The following ACSM2A variants were observed in gnomAD, a reference collection of about 807,000 sequenced individuals.
ACSM2A encodes the protein acyl-CoA synthetase medium chain family member 2A, also known as acyl-coenzyme A synthetase ACSM2A, mitochondrial.
A neutral mutation model predicts 76.6 loss-of-function variants in ACSM2A; 72 were observed. The observed-to-expected ratio is 0.94, with a 90% CI of 0.78 to 1.14. The LOEUF is 1.14. Among genes scored for constraint, ACSM2A ranks in the 50% most tolerant of loss-of-function variants. The pLI is 0.00. For missense variants in ACSM2A, 684 were observed against 708.5 expected, an observed-to-expected ratio of 0.97 and a Z score of 0.39; for synonymous variants, 249 against 255.9, an observed-to-expected ratio of 0.97 and a Z score of 0.26.
In ACSM2A at chr16:20,480,523, G is replaced by A. The variant is rs368699257; in HGVS notation, c.1282-50G>A. The A allele has an allele frequency of 1.9e-5, 30 of 1,581,276 alleles. 2 individuals are homozygous for A. In the South Asian group the frequency reaches 2.8e-4, roughly 15 times the overall value. ...TTTGTTCATGGCAGCCCCAGGGCAG[G>A]GGATTTAGGCTTTGCAGGCACAATG... On this transcript the variant is annotated intron_variant, in intron 10 of 13. Transcript: ENST00000573854.
At chr16:20,473,857 T>C (rs9806821) in intron 6 of ACSM2A, 1 of 322,246 alleles carries the variant, frequency 3.1e-6, no homozygotes. Flanking sequence ...CTGTTCTGTC[T>C]AAAGCCTAGT....
Position 20,455,757 on chromosome 16 carries a change from A to T in ACSM2A, c.-9+4076A>T, listed in dbSNP as rs2012114734. On this transcript the variant is annotated intron_variant, in intron 1 of 13. Transcript: ENST00000573854. ...ACAATAAAAAAAAAACCCAAGCTAC[A>T]CAGGCAACAAATAGCACAATGAATG... 2.0e-5 allele frequency among the ~76,000 whole-genome samples: 3 copies of T among 149,934 alleles called. No homozygotes were observed. The South Asian group carries it at 6.2e-4, about 31-fold the overall frequency.
At chr16:20,460,393 G>A (rs1596644599) in intron 2 of ACSM2A, 102 bp downstream of exon 2, 26 of 1,488,276 alleles carry the variant, frequency 1.7e-5, no homozygotes, top group Non-Finnish European at 2.2e-5. Flanking sequence ...TTACATGTAA[G>A]GCACTGTAAT....
Position 20,469,531 on chromosome 16 carries a change from A to G in ACSM2A, c.408A>G (p.Gly136=), listed in dbSNP as rs1228690482. The part of the protein sequence containing the change: ...CIRAGLIFMP[G]TIQMKSTDIL... Reference sequence around the variant, plus strand: ...CTTTAGGTCTCATCTTTATGCCTGGAACCATCCAGATGAAATCCACTGACA... The same window carrying G: ...CTTTAGGTCTCATCTTTATGCCTGGGACCATCCAGATGAAATCCACTGACA... The change falls in exon 4 of 14, where the codon GGA becomes GGG. Residue 136 remains glycine, a synonymous_variant. Transcript: ENST00000573854. 4 of 1,613,180 alleles carry G rather than the reference A, an allele frequency of 2.5e-6. No homozygotes were observed. Among genetic ancestry groups the G allele is most frequent in the Non-Finnish European group, 3.4e-6 (4 of 1,179,342 alleles).
chr16:20,469,855 A>G (rs374992109), intron 4 of ACSM2A, 136 bp downstream of exon 4: 5 of 1,288,072 alleles, frequency 3.9e-6, no homozygotes, highest in Admixed American at 4.7e-5. Flanking sequence ...GGAAGAAATA[A>G]AAGCTAACAC....
At chr16:20,463,613 C>T (rs376223393) in intron 2 of ACSM2A, among the ~76,000 whole-genome samples, 4 of 152,232 alleles carry the variant, frequency 2.6e-5, no homozygotes, top group African/African-American at 9.6e-5. Context: ...GAGGCCCTCA[C>T]CAGAAGCAGA....
rs569884277 is a variant in ACSM2A at position 20,464,091 on chromosome 16, G to C, written c.178-1426G>C. Among the ~76,000 whole-genome samples, 1,200 of 152,242 alleles carry C rather than the reference G, an allele frequency of 7.9e-3. 17 individuals are homozygous for C. The highest frequency in any genetic ancestry group is 0.027 in the African/African-American group (1,120 of 41,540). On this transcript the variant is annotated intron_variant, in intron 2 of 13. Coordinates refer to ENST00000573854, the MANE Select transcript of ACSM2A (RefSeq NM_001308172.2). ...TCAGTTCCCGAAAAGTTCCTTATTT[G>C]CATTTGAAATCTGGTCAGCCTGCAT... is the stretch of plus-strand genomic sequence containing the variant.
intron 6 of ACSM2A, among the ~76,000 whole-genome samples, chr16:20,474,604 A>G (rs1315870734): frequency 6.6e-6 from 1 of 152,144 alleles, no homozygotes; most frequent in Non-Finnish European, 1.5e-5. Flanking sequence ...TTAAGACAAT[A>G]CTCTATTACA....
chr16:20,468,629 G>A (rs1220072279), intron 3 of ACSM2A, among the ~76,000 whole-genome samples: 1 of 152,150 alleles, frequency 6.6e-6, no homozygotes, highest in Non-Finnish European at 1.5e-5. Flanking sequence ...CAAAATGCTA[G>A]GATTACAGGC....
At chr16:20,460,970 T>C (rs1358437616) in intron 2 of ACSM2A, among the ~76,000 whole-genome samples, 1 of 121,744 alleles carries the variant, frequency 8.2e-6, no homozygotes, top group East Asian at 3.3e-4. Context: ...GGCTTCAATA[T>C]GAGACATCCA....
intron 3 of ACSM2A, among the ~76,000 whole-genome samples, chr16:20,469,132 G>A (rs2013206351): frequency 6.6e-6 from 1 of 152,170 alleles, no homozygotes. Flanking sequence ...ACCATGGACA[G>A]TTCCAAGTGC....
chr16:20,472,405 T>C (rs1035454104), intron 6 of ACSM2A, among the ~76,000 whole-genome samples: 2 of 152,190 alleles, frequency 1.3e-5, no homozygotes, highest in Admixed American at 1.3e-4. Context: ...TATCTTCCTT[T>C]TTACAAATAA....
chr16:20,482,156 GAAAGAAAAAA>G (rs1271798671), intron 12 of ACSM2A: 2 of 136,546 alleles, frequency 1.5e-5, no homozygotes, highest in African/African-American at 5.7e-5. Flanking sequence ...AAAAAAAAAA[GAAAGAAAAAA>G]AAAGAAAAAA....
intron 13 of ACSM2A, among the ~76,000 whole-genome samples, chr16:20,483,598 A>AAAAAAAAAAT (rs2014228836): frequency 6.8e-6 from 1 of 146,288 alleles, no homozygotes; most frequent in Non-Finnish European, 1.5e-5. Flanking sequence ...AAAAAAAAAA[A>AAAAAAAAAAT]AAAAGTCTTT....
chr16:20,481,625 A>G (rs570096369), intron 12 of ACSM2A: 23 of 147,316 alleles, frequency 1.6e-4, no homozygotes, highest in African/African-American at 5.7e-4. Flanking sequence ...GTAGAAGCAT[A>G]CAGTTAGCAG....
chr16:20,471,786 C>T, intron 6 of ACSM2A, 97 bp downstream of exon 6: 1 of 1,539,344 alleles, frequency 6.5e-7, no homozygotes, highest in African/African-American at 1.4e-5. Context: ...CTAATTTTTG[C>T]TAAACCCCTG....
rs534082974 is a variant in ACSM2A, at chr16:20,480,495, G to C, written c.1282-78G>C. The C allele has an allele frequency of 1.9e-6, 3 of 1,540,462 alleles. No individual in the cohort carries two copies. The Admixed American group carries it at 6.3e-5, about 33-fold the overall frequency. ...ACCTGCAGTTTTAATAAGACTCATA[G>C]CATTTGTTCATGGCAGCCCCAGGGC... On this transcript the variant is annotated intron_variant, in intron 10 of 13. Transcript: ENST00000573854.
intron 1 of ACSM2A, chr16:20,453,799 C>T (rs558820159): frequency 2.4e-5 from 3 of 125,564 alleles, no homozygotes; most frequent in Admixed American, 7.6e-5. Context: ...GATGGCCTCT[C>T]TGGGAGTGTT....
At chr16:20,480,762 T>G in intron 11 of ACSM2A, 60 bp from the exon 12 acceptor site, 1 of 1,613,108 alleles carries the variant, frequency 6.2e-7, no homozygotes, top group Non-Finnish European at 8.5e-7. Flanking sequence ...GGTTCCAGAC[T>G]TCTGGAATGG....
Sources: gnomAD v4.1 joint callset for allele counts (sites outside exome capture counted in the v4.1 genomes callset) on GRCh38, gnomAD v4.1.1 for gene constraint, MANE v1.5 for transcripts, NCBI Gene and HGNC (gene_info 2026-07-23, HGNC 2026-07-21) for gene names.